GRIN2B: variants seen among roughly 807,000 people sequenced by gnomAD.
GRIN2B encodes glutamate receptor ionotropic, NMDA 2B.
Under a neutral mutation model 114.5 loss-of-function variants are expected in GRIN2B, and 5 were observed. That is an observed-to-expected ratio of 0.04 (90% CI 0.02 to 0.09). GRIN2B has a LOEUF of 0.09. Among genes scored for constraint, GRIN2B ranks in the 10% least tolerant of loss-of-function variants. The probability of loss-of-function intolerance (pLI) is 1.00; values close to 1 mark genes in which losing one functional copy is unlikely to be tolerated. For synonymous variants in GRIN2B, 787 were observed against 745.1 expected (o/e 1.06, Z -0.92); for missense variants, 1,108 against 1,943.5 (o/e 0.57, Z 8.08).
intron 4 of GRIN2B, among the ~76,000 whole-genome samples, chr12:13,748,751 T>A (rs1362083384): frequency 2.0e-5 from 3 of 152,198 alleles, no homozygotes; most frequent in African/African-American, 7.2e-5. Context: ...ATGAATGCTA[T>A]GAAGTTCCAA....
At chr12:13,746,075 T>C (rs1382436355) in intron 4 of GRIN2B, among the ~76,000 whole-genome samples, 2 of 145,956 alleles carry the variant, frequency 1.4e-5, no homozygotes, top group Admixed American at 6.8e-5. Context: ...ATATGTGCTA[T>C]GTCAAAAAAT....
At chr12:13,779,059 A>G in intron 3 of GRIN2B, among the ~76,000 whole-genome samples, 1 of 151,902 alleles carries the variant, frequency 6.6e-6, no homozygotes, top group East Asian at 1.9e-4. Flanking sequence ...ATTTTATTTT[A>G]TTTATTTGAG....
intron 4 of GRIN2B, among the ~76,000 whole-genome samples, chr12:13,689,292 T>C (rs1950195862): frequency 6.6e-6 from 1 of 152,182 alleles, no homozygotes; most frequent in East Asian, 1.9e-4. Flanking sequence ...TAGCTGACTT[T>C]CAATTCTTCC....
chr12:13,783,942 G>A (rs976907374), intron 3 of GRIN2B, among the ~76,000 whole-genome samples: 5 of 151,992 alleles, frequency 3.3e-5, no homozygotes, highest in South Asian at 2.1e-4. Flanking sequence ...AACATATCCC[G>A]GCCGGGCGCG....
intron 10 of GRIN2B, among the ~76,000 whole-genome samples, chr12:13,605,196 C>A (rs568288956): frequency 6.6e-6 from 1 of 151,594 alleles, no homozygotes; most frequent in Non-Finnish European, 1.5e-5. Flanking sequence ...GCGGAAGATA[C>A]GTGTTATAAT....
intron 2 of GRIN2B, among the ~76,000 whole-genome samples, chr12:13,974,085 A>G (rs570159142): frequency 1.3e-5 from 2 of 152,306 alleles, no homozygotes; most frequent in East Asian, 3.9e-4. Flanking sequence ...GCCATTACAG[A>G]AAGCAGCTGG....
At chr12:13,928,803 T>C (rs1866965703) in intron 2 of GRIN2B, among the ~76,000 whole-genome samples, 1 of 152,218 alleles carries the variant, frequency 6.6e-6, no homozygotes, top group Non-Finnish European at 1.5e-5. Context: ...AAGATAAAAC[T>C]GAAACCCTAT....
intron 5 of GRIN2B, among the ~76,000 whole-genome samples, chr12:13,670,773 T>A (rs1276295884): frequency 6.6e-6 from 1 of 152,120 alleles, no homozygotes; most frequent in African/African-American, 2.4e-5. Flanking sequence ...TGTAAAATAT[T>A]TCTTTTTAAA....
intron 3 of GRIN2B, among the ~76,000 whole-genome samples, chr12:13,799,845 T>C (rs943223380): frequency 2.6e-5 from 4 of 151,454 alleles, no homozygotes; most frequent in African/African-American, 9.7e-5. Context: ...AGGGAGAGAA[T>C]GCATCAGGAG....
At chr12:13,898,031 AG>A (rs1178639951) in intron 2 of GRIN2B, among the ~76,000 whole-genome samples, 2 of 151,466 alleles carry the variant, frequency 1.3e-5, no homozygotes, top group Admixed American at 6.6e-5. Context: ...TAAATAAAAA[AG>A]AAAGGGCTAC....
intron 5 of GRIN2B, among the ~76,000 whole-genome samples, chr12:13,643,199 A>G (rs1331772950): frequency 6.6e-6 from 1 of 152,172 alleles, no homozygotes; most frequent in East Asian, 1.9e-4. Flanking sequence ...ATAATTTTGA[A>G]GAAGTCAAAT....
chr12:13,743,316 G>C (rs961203579), intron 4 of GRIN2B, among the ~76,000 whole-genome samples: 2 of 152,148 alleles, frequency 1.3e-5, no homozygotes, highest in Non-Finnish European at 2.9e-5. Context: ...TGTTGAATAT[G>C]TGACCTCTTG....
At chr12:13,822,049 T>G (rs1864949561) in intron 3 of GRIN2B, among the ~76,000 whole-genome samples, 2 of 152,138 alleles carry the variant, frequency 1.3e-5, no homozygotes, top group Non-Finnish European at 1.5e-5. Context: ...TTGAAGACAA[T>G]TTCATTTCCT....
intron 4 of GRIN2B, among the ~76,000 whole-genome samples, chr12:13,734,859 A>G (rs1169868171): frequency 1.3e-5 from 2 of 152,198 alleles, no homozygotes; most frequent in African/African-American, 2.4e-5. Context: ...AGGGAAATTG[A>G]AAGAGAGGAG....
At chr12:13,832,230 A>G (rs1041879194) in intron 3 of GRIN2B, among the ~76,000 whole-genome samples, 1 of 152,250 alleles carries the variant, frequency 6.6e-6, no homozygotes, top group Admixed American at 6.5e-5. Flanking sequence ...GAATTATTAA[A>G]AAGATACAGA....
At chr12:13,853,461 A>T (rs934418181) in intron 3 of GRIN2B, among the ~76,000 whole-genome samples, 4 of 152,240 alleles carry the variant, frequency 2.6e-5, no homozygotes, top group African/African-American at 9.6e-5. Flanking sequence ...TTTCCAAAAC[A>T]TTTAAAACTG....
At chr12:13,689,277 C>T (rs918705949) in intron 4 of GRIN2B, among the ~76,000 whole-genome samples, 5 of 152,120 alleles carry the variant, frequency 3.3e-5, no homozygotes, top group Non-Finnish European at 7.4e-5. Flanking sequence ...TCTTTGCTCT[C>T]AAAATAGCTG....
rs546806173 is a variant in GRIN2B, at chr12:13,758,842, A to G, written c.412-4927T>C. 1.8e-4 allele frequency among the ~76,000 whole-genome samples: 28 copies of G among 152,294 alleles called. 1 individual carries two copies. In the South Asian group the frequency reaches 5.4e-3, roughly 29 times the overall value. On this transcript the variant is annotated intron_variant, in intron 3 of 13. Transcript: ENST00000609686. ...GCATACTTGCCTTATCTGACTAAAA[A>G]TGTTTCTCAAGAGGATAAACTATAC...
rs117770820 is a variant in GRIN2B, at chr12:13,574,600, G to A, written c.2011-2636C>T. Among the ~76,000 whole-genome samples the A allele has an allele frequency of 4.9e-4, 75 of 152,288 alleles. 2 individuals are homozygous for A. The East Asian group carries it at 0.014, about 29-fold the overall frequency. ...AACTAAATTTTATGGTAACTAAATG[G>A]AATCCAGTGCCCAGAGGGCCTCACT... On this transcript the variant is annotated intron_variant, in intron 10 of 13. Coordinates refer to ENST00000609686, the MANE Select transcript of GRIN2B (RefSeq NM_000834.5).
Sources: gnomAD v4.1 joint callset for allele counts (sites outside exome capture counted in the v4.1 genomes callset) on GRCh38, gnomAD v4.1.1 for gene constraint, MANE v1.5 for transcripts, NCBI Gene and HGNC (gene_info 2026-07-23, HGNC 2026-07-21) for gene names.